The following CERK variants were observed in gnomAD, a reference collection of about 807,000 sequenced individuals.
CERK encodes acylsphingosine kinase.
CERK carries 39 observed loss-of-function variants against 63.4 expected under a neutral mutation model. That is an observed-to-expected ratio of 0.61 (90% CI 0.48 to 0.80). CERK has a LOEUF of 0.80. CERK is among the 30% of genes least tolerant of loss of function. CERK has a pLI of 0.00. For synonymous variants in CERK, 302 were observed against 280.0 expected (o/e 1.08, Z -0.78); for missense variants, 670 against 714.1 (o/e 0.94, Z 0.70).
intron 4 of CERK, 94 bp downstream of exon 4, chr22:46,712,074 G>T: frequency 7.1e-7 from 1 of 1,418,130 alleles, no homozygotes. Flanking sequence ...GCAACAGAGT[G>T]AGACACCGTC....
rs770541324 is a variant in CERK at position 46,711,104 on chromosome 22, T to C, written c.551A>G (p.Asn184Ser). 1 of 1,613,844 alleles carries C rather than the reference T, an allele frequency of 6.2e-7. No individual in the cohort carries two copies. The highest frequency in any genetic ancestry group is 8.5e-7 in the Non-Finnish European group (1 of 1,179,738). Residue 184 changes from asparagine (N) to serine (S), a missense_variant, in exon 5 of 13, where the codon AAC becomes AGC. By Grantham distance (46) the Asn-to-Ser change is conservative. Coordinates refer to ENST00000216264, the MANE Select transcript of CERK (RefSeq NM_022766.6). ...TACTCACCCGTCGTATTTGTCTATG[T>C]TAATCTCATACAGAGTCTCCTTGGC... ...NQAKETLYEI[N>S]IDKYDGIVCV...
At chr22:46,735,793 C>A (rs1036719313) in intron 1 of CERK, among the ~76,000 whole-genome samples, 1 of 152,196 alleles carries the variant, frequency 6.6e-6, no homozygotes, top group African/African-American at 2.4e-5. Flanking sequence ...GGTTCACATT[C>A]TTCTGCCCTA....
chr22:46,715,124 T>A (rs567707317), intron 3 of CERK, among the ~76,000 whole-genome samples: 8 of 152,224 alleles, frequency 5.3e-5, no homozygotes, highest in Non-Finnish European at 8.8e-5. Flanking sequence ...TTAATCTGAT[T>A]TTTAAAATCT....
chr22:46,720,301 G>T (rs1288004243), intron 2 of CERK, 93 bp from the exon 3 acceptor site: 1 of 1,466,220 alleles, frequency 6.8e-7, no homozygotes, highest in Non-Finnish European at 9.1e-7. Flanking sequence ...CTAATTATAG[G>T]TTCCTAACCA....
At position 46,686,020 on chromosome 22, in the gene CERK, G is replaced by A. The variant is rs911954661; in HGVS notation, c.*1114C>T. ...CTAAACAAGGACGTAGTACACAATT[G>A]AGGGGTGCCCCGGGGAGCGCGGCAG... On this transcript the variant is annotated 3_prime_UTR_variant, in exon 13 of 13. Transcript: ENST00000216264. The A allele has an allele frequency of 2.0e-5, 3 of 152,210 alleles. No homozygotes were observed. Among genetic ancestry groups the A allele is most frequent in the Non-Finnish European group, 4.4e-5 (3 of 68,044 alleles). The allele number at this position is 152,210 out of a possible 1,614,324, so 9.4% of individuals were successfully genotyped here.
Position 46,738,171 on chromosome 22 carries a change from C to A in CERK, c.-23G>T. ...CATCTCCGCCGCCGGGCTCGTCCGC[C>A]AGGCTGGGGGCGCGCGGACGCCGAG... On this transcript the variant is annotated 5_prime_UTR_variant, in exon 1 of 13. Coordinates refer to ENST00000216264, the MANE Select transcript of CERK (RefSeq NM_022766.6). 8.6e-7 allele frequency: 1 copy of A among 1,156,274 alleles called. No homozygotes were observed. The highest frequency in any genetic ancestry group is 1.1e-6 in the Non-Finnish European group (1 of 941,804). The allele number at this position is 1,156,274 out of a possible 1,614,324, so 71.6% of individuals were successfully genotyped here.
chr22:46,687,778 C>T (rs964422827), intron 12 of CERK, among the ~76,000 whole-genome samples: 3 of 152,174 alleles, frequency 2.0e-5, no homozygotes, highest in Non-Finnish European at 4.4e-5. Flanking sequence ...CCCAGGGGCT[C>T]GGTGGCCACA....
At chr22:46,737,306 AC>A (rs1342649886) in intron 1 of CERK, among the ~76,000 whole-genome samples, 14 of 141,264 alleles carry the variant, frequency 9.9e-5, no homozygotes, top group African/African-American at 3.9e-4. Context: ...AAAAAAAAAA[AC>A]AAAAAACAAA....
chr22:46,725,017 C>T (rs1283893613), intron 1 of CERK, among the ~76,000 whole-genome samples: 1 of 151,322 alleles, frequency 6.6e-6, no homozygotes, highest in Non-Finnish European at 1.5e-5. Flanking sequence ...AGCAAAACTC[C>T]ATCTCAAAAA....
At chr22:46,704,802 G>A (rs1321871171) in intron 6 of CERK, among the ~76,000 whole-genome samples, 1 of 142,944 alleles carries the variant, frequency 7.0e-6, no homozygotes, top group East Asian at 2.0e-4. Flanking sequence ...TCCAGCCTGG[G>A]TGACAGAGCA....
chr22:46,690,949 G>A (rs2082727013), intron 11 of CERK, among the ~76,000 whole-genome samples: 1 of 151,650 alleles, frequency 6.6e-6, no homozygotes, highest in African/African-American at 2.4e-5. Context: ...GTGTGTATAT[G>A]TATGTATGTA....
intron 1 of CERK, among the ~76,000 whole-genome samples, chr22:46,733,972 G>A: frequency 6.6e-6 from 1 of 151,850 alleles, no homozygotes; most frequent in Non-Finnish European, 1.5e-5. Flanking sequence ...GGAGGTGGAG[G>A]TTGCAGTGAG....
chr22:46,737,301 AAAAAAC>A (rs1176349927), intron 1 of CERK, among the ~76,000 whole-genome samples: 39 of 45,118 alleles, frequency 8.6e-4, no homozygotes, highest in Middle Eastern at 0.017. Flanking sequence ...CAAAAAAAAA[AAAAAAC>A]AAAAAACAAA....
chr22:46,687,336 T>G lies in CERK; in HGVS notation c.1542-130A>C, dbSNP rs566242811. On this transcript the variant is annotated intron_variant, in intron 12 of 12. Coordinates refer to ENST00000216264, the MANE Select transcript of CERK (RefSeq NM_022766.6). Reference sequence around the variant, plus strand: ...ACTCAAAGCTGGCCCTGAGCACCGCTCTTGGACAGGGGCTGAAGTGGGGGT... The same window carrying G: ...ACTCAAAGCTGGCCCTGAGCACCGCGCTTGGACAGGGGCTGAAGTGGGGGT... The G allele has an allele frequency of 1.4e-4, 50 of 365,222 alleles. 2 individuals carry two copies. In the South Asian group the frequency reaches 1.5e-3, roughly 11 times the overall value. The allele number at this position is 365,222 out of a possible 1,614,324, so 22.6% of individuals were successfully genotyped here.
chr22:46,693,655 G>A, intron 9 of CERK, 152 bp from the exon 10 acceptor site: 2 of 627,452 alleles, frequency 3.2e-6, no homozygotes, highest in Non-Finnish European at 5.6e-6. Flanking sequence ...ATTAATTAGA[G>A]GTTTCAGAAT....
At chr22:46,707,817 C>T in intron 6 of CERK, 26 bp downstream of exon 6, 1 of 1,590,280 alleles carries the variant, frequency 6.3e-7, no homozygotes, top group South Asian at 1.1e-5. Context: ...ACGAAGAGAA[C>T]AGAGAATGCC....
At chr22:46,695,846 C>T (rs1035648088) in intron 8 of CERK, among the ~76,000 whole-genome samples, 2 of 152,240 alleles carry the variant, frequency 1.3e-5, no homozygotes, top group Admixed American at 6.5e-5. Context: ...GTCCACGGGG[C>T]TGCCAGCAGC....
intron 8 of CERK, 84 bp downstream of exon 8, chr22:46,699,229 G>A: frequency 7.2e-7 from 1 of 1,393,114 alleles, no homozygotes; most frequent in Admixed American, 1.7e-5. Flanking sequence ...CTCTGACGGT[G>A]CTCAGTGGAT....
At chr22:46,691,386 G>A (rs5769083) in intron 11 of CERK, among the ~76,000 whole-genome samples, 186 bp downstream of exon 11, 4 of 151,748 alleles carry the variant, frequency 2.6e-5, no homozygotes, top group Admixed American at 2.0e-4. Flanking sequence ...AAAATTTATC[G>A]TTTTAAATGA....
Sources: gnomAD v4.1 joint callset for allele counts (sites outside exome capture counted in the v4.1 genomes callset) on GRCh38, gnomAD v4.1.1 for gene constraint, MANE v1.5 for transcripts, NCBI Gene and HGNC (gene_info 2026-07-23, HGNC 2026-07-21) for gene names.